The following LYPLAL1 variants were observed in gnomAD, a reference collection of about 807,000 sequenced individuals.
LYPLAL1 encodes lysophospholipase like 1, also known as lysophospholipase-like protein 1.
Under a neutral mutation model 19.7 loss-of-function variants are expected in LYPLAL1, and 23 were observed. The observed-to-expected ratio is 1.17, with a 90% CI of 0.84 to 1.65. The LOEUF (loss-of-function observed/expected upper bound fraction) is 1.65. Ranked by LOEUF, LYPLAL1 falls within the 40% of genes most tolerant of loss-of-function variation. The probability of loss-of-function intolerance (pLI) is 0.00; values close to 1 mark genes in which losing one functional copy is unlikely to be tolerated. For synonymous variants in LYPLAL1, 119 were observed against 96.3 expected, an observed-to-expected ratio of 1.24 and a Z score of -1.38; for missense variants, 355 against 279.4, an observed-to-expected ratio of 1.27 and a Z score of -1.93.
chr1:219,239,826 A>G, the LYPLAL1 span, among the ~76,000 whole-genome samples: 9 of 152,236 alleles, frequency 5.9e-5, no homozygotes, highest in African/African-American at 2.2e-4. Context: ...ATTTAATCCA[A>G]TAATTATTAC....
rs966398989 is a variant in LYPLAL1, at chr1:219,193,197, G to T, written c.307G>T (p.Asp103Tyr). Reference sequence around the variant, plus strand: ...TGATGTCATGTGTCAAGTGCTTACTGATTTGATTGATGAAGAAGTAAAAAG... The same window carrying T: ...TGATGTCATGTGTCAAGTGCTTACTTATTTGATTGATGAAGAAGTAAAAAG... ...SIDVMCQVLT[D>Y]LIDEEVKSGI... is the part of the protein sequence containing the mutation. Residue 103 changes from aspartate to tyrosine, a missense_variant, in exon 3 of 5, where the codon GAT becomes TAT. Transcript: ENST00000366928. 1 of 1,610,470 alleles carries T rather than the reference G, an allele frequency of 6.2e-7. No homozygotes were observed.
the LYPLAL1 span, among the ~76,000 whole-genome samples, chr1:219,381,150 G>A: frequency 4.6e-5 from 7 of 152,252 alleles, no homozygotes; most frequent in African/African-American, 1.7e-4. Context: ...GAATCATGGG[G>A]TGGGTTTTCG....
chr1:219,421,080 G>C, the LYPLAL1 span, among the ~76,000 whole-genome samples: 15 of 152,178 alleles, frequency 9.9e-5, no homozygotes, highest in African/African-American at 2.7e-4. Flanking sequence ...CAATTTGCTT[G>C]AGATTTGACA....
At chr1:219,300,914 C>T in the LYPLAL1 span, among the ~76,000 whole-genome samples, 2 of 152,012 alleles carry the variant, frequency 1.3e-5, no homozygotes, top group Non-Finnish European at 2.9e-5. Flanking sequence ...TCAAAGTTTG[C>T]TTCCTCTTTT....
At chr1:219,269,004 C>A in the LYPLAL1 span, among the ~76,000 whole-genome samples, 3 of 152,218 alleles carry the variant, frequency 2.0e-5, no homozygotes, top group African/African-American at 7.2e-5. Flanking sequence ...TTTCCTGTGG[C>A]TGATTGTCAA....
the LYPLAL1 span, among the ~76,000 whole-genome samples, chr1:219,349,530 AAAG>A: frequency 6.6e-6 from 1 of 152,208 alleles, no homozygotes; most frequent in Non-Finnish European, 1.5e-5. Context: ...AACATCAAGT[AAAG>A]AAGAAAAGAG....
At chr1:219,366,187 GCC>G in the LYPLAL1 span, among the ~76,000 whole-genome samples, 1 of 152,086 alleles carries the variant, frequency 6.6e-6, no homozygotes, top group Admixed American at 6.6e-5. Flanking sequence ...TCACTAACCT[GCC>G]CCAAGAAGAA....
chr1:219,440,575 A>G, the LYPLAL1 span, among the ~76,000 whole-genome samples: 1 of 152,238 alleles, frequency 6.6e-6, no homozygotes, highest in Non-Finnish European at 1.5e-5. Flanking sequence ...AATAGATTGA[A>G]AGACATCAGA....
chr1:219,265,458 C>T, the LYPLAL1 span, among the ~76,000 whole-genome samples: 4 of 152,092 alleles, frequency 2.6e-5, no homozygotes, highest in South Asian at 2.1e-4. Context: ...AATTGTAAAA[C>T]GGCGCTTGAT....
At chr1:219,293,772 A>G in the LYPLAL1 span, among the ~76,000 whole-genome samples, 1 of 152,252 alleles carries the variant, frequency 6.6e-6, no homozygotes, top group Admixed American at 6.5e-5. Flanking sequence ...CAATATATCC[A>G]GAATAGAATT....
intron 1 of LYPLAL1, chr1:219,174,829 C>T (rs1225492238): frequency 1.1e-6 from 1 of 875,838 alleles, no homozygotes; most frequent in Non-Finnish European, 1.4e-6. Context: ...CCTCAGGGGG[C>T]CTACCTAAAG....
At chr1:219,202,665 A>G (rs1239918726) in intron 3 of LYPLAL1, among the ~76,000 whole-genome samples, 1 of 152,162 alleles carries the variant, frequency 6.6e-6, no homozygotes, top group Non-Finnish European at 1.5e-5. Flanking sequence ...CACAACCCAT[A>G]GTGAGGAATG....
chr1:219,197,564 A>G (rs890219808), intron 3 of LYPLAL1, among the ~76,000 whole-genome samples: 1 of 152,178 alleles, frequency 6.6e-6, no homozygotes. Flanking sequence ...CAACATAGAC[A>G]TGGGCAAAGA....
At chr1:219,346,466 T>TA in the LYPLAL1 span, among the ~76,000 whole-genome samples, 2 of 151,326 alleles carry the variant, frequency 1.3e-5, no homozygotes, top group African/African-American at 4.8e-5. Flanking sequence ...TTCTATTTTT[T>TA]TTTTTTTTTT....
At chr1:219,355,152 T>A in the LYPLAL1 span, among the ~76,000 whole-genome samples, 1 of 152,162 alleles carries the variant, frequency 6.6e-6, no homozygotes, top group Non-Finnish European at 1.5e-5. Context: ...AACACAGTAG[T>A]CCTTAGCCAC....
intron 3 of LYPLAL1, among the ~76,000 whole-genome samples, chr1:219,204,877 A>T (rs937802776): frequency 5.3e-5 from 8 of 152,120 alleles, no homozygotes; most frequent in Non-Finnish European, 1.0e-4. Context: ...TAGATCTAGG[A>T]TGTATAGAAC....
chr1:219,318,440 G>A, the LYPLAL1 span, among the ~76,000 whole-genome samples: 4 of 140,388 alleles, frequency 2.8e-5, no homozygotes, highest in African/African-American at 1.1e-4. Context: ...AACTTGAATT[G>A]CCTAATTTAA....
the LYPLAL1 span, among the ~76,000 whole-genome samples, chr1:219,321,968 A>G: frequency 3.9e-5 from 6 of 152,330 alleles, no homozygotes; most frequent in African/African-American, 1.4e-4. Context: ...TGCTTTGGAT[A>G]AAACTAGACA....
chr1:219,282,924 TA>T, the LYPLAL1 span, among the ~76,000 whole-genome samples: 1 of 152,036 alleles, frequency 6.6e-6, no homozygotes, highest in Admixed American at 6.6e-5. Flanking sequence ...TTATCCACCA[TA>T]AAGGAATGAA....
Sources: allele counts gnomAD v4.1 joint callset (sites outside exome capture counted in the v4.1 genomes callset), GRCh38; gene constraint gnomAD v4.1.1; transcripts MANE v1.5; gene names NCBI Gene and HGNC (gene_info 2026-07-23, HGNC 2026-07-21).